Variants in SEPTIN7 observed in about 807,000 individuals in gnomAD.
SEPTIN7 encodes the protein septin-7.
SEPTIN7 carries 10 observed loss-of-function variants against 63.3 expected under a neutral mutation model. The observed-to-expected ratio is 0.16, with a 90% CI of 0.10 to 0.27. The LOEUF is 0.27. Ranked by LOEUF, SEPTIN7 falls within the 10% of genes least tolerant of loss-of-function variation. The pLI is 1.00. For missense variants in SEPTIN7, 310 were observed against 521.0 expected (o/e 0.59, Z 3.94); for synonymous variants, 131 against 165.3 (o/e 0.79, Z 1.59).
At chr7:35,812,134 A>C (rs1358590589) in intron 1 of SEPTIN7, 34 of 193,292 alleles carry the variant, frequency 1.8e-4, no homozygotes, top group African/African-American at 7.0e-4. Context: ...AAAACAAAAA[A>C]AAAAAAAACA....
downstream of SEPTIN7, among the ~76,000 whole-genome samples, chr7:35,910,260 G>A (rs79229574): frequency 5.5e-3 from 837 of 152,292 alleles, 8 homozygotes; most frequent in African/African-American, 0.02. Flanking sequence ...GTACAAGAGC[G>A]GGCGTACTAA....
At chr7:35,913,106 G>A in the SEPTIN7 span, among the ~76,000 whole-genome samples, 1 of 151,996 alleles carries the variant, frequency 6.6e-6, no homozygotes, top group Non-Finnish European at 1.5e-5. Context: ...AGCCAGTAGG[G>A]GTGTTAAAGA....
chr7:35,890,838 CAAT>C (rs940403190), intron 11 of SEPTIN7, 45 bp downstream of exon 11: 6 of 1,372,314 alleles, frequency 4.4e-6, no homozygotes, highest in Non-Finnish European at 5.7e-6. Context: ...TTTCTGTAGT[CAAT>C]AATCATATTG....
intron 12 of SEPTIN7, chr7:35,899,908 G>A (rs1224895976): frequency 6.6e-6 from 1 of 151,926 alleles, no homozygotes; most frequent in South Asian, 2.1e-4. Context: ...ATATATATAT[G>A]GATGACAGTA....
intron 1 of SEPTIN7, among the ~76,000 whole-genome samples, chr7:35,829,346 T>C (rs1175681693): frequency 3.9e-5 from 6 of 152,066 alleles, no homozygotes; most frequent in Non-Finnish European, 8.8e-5. Context: ...TTCACCATGT[T>C]GCCCAGGCTG....
chr7:35,896,384 G>A (rs1393077170), intron 11 of SEPTIN7, among the ~76,000 whole-genome samples: 1 of 152,006 alleles, frequency 6.6e-6, no homozygotes, highest in East Asian at 1.9e-4. Context: ...TTCTTTTTTA[G>A]AGACTAAAAA....
At chr7:35,840,181 C>CT (rs1784338997) in intron 3 of SEPTIN7, among the ~76,000 whole-genome samples, 1 of 77,138 alleles carries the variant, frequency 1.3e-5, no homozygotes, top group Non-Finnish European at 2.6e-5. Context: ...CTCCCTCCCC[C>CT]TCCTCCTCCC....
intron 4 of SEPTIN7, among the ~76,000 whole-genome samples, chr7:35,870,817 C>A (rs1480774387): frequency 7.4e-6 from 1 of 134,984 alleles, no homozygotes; most frequent in South Asian, 2.5e-4. Context: ...AGAGTGAGAC[C>A]CTGACTAAAA....
intron 3 of SEPTIN7, among the ~76,000 whole-genome samples, chr7:35,852,640 A>G (rs939051351): frequency 1.3e-5 from 2 of 152,224 alleles, no homozygotes; most frequent in Non-Finnish European, 2.9e-5. Flanking sequence ...TAGAGCTCCC[A>G]GTCACAATGA....
At chr7:35,882,078 T>G (rs1786913652) in intron 7 of SEPTIN7, among the ~76,000 whole-genome samples, 1 of 152,160 alleles carries the variant, frequency 6.6e-6, no homozygotes, top group South Asian at 2.1e-4. Flanking sequence ...TACGTGAGTT[T>G]AGCCCTGTTT....
At chr7:35,895,664 T>G (rs1447939109) in intron 11 of SEPTIN7, among the ~76,000 whole-genome samples, 1 of 152,234 alleles carries the variant, frequency 6.6e-6, no homozygotes, top group Non-Finnish European at 1.5e-5. Flanking sequence ...TAATAATTTG[T>G]GAAAGCTATG....
At chr7:35,894,009 C>T (rs1583641601) in intron 11 of SEPTIN7, among the ~76,000 whole-genome samples, 1 of 152,048 alleles carries the variant, frequency 6.6e-6, no homozygotes, top group Admixed American at 6.6e-5. Context: ...AAAGGGTAAC[C>T]TCTCAAATCA....
At chr7:35,805,762 G>A (rs1042713310) in intron 1 of SEPTIN7, among the ~76,000 whole-genome samples, 45 of 152,190 alleles carry the variant, frequency 3.0e-4, no homozygotes, top group African/African-American at 1.0e-3. Context: ...TTTATTCAAT[G>A]TTTGTTTGCT....
intron 3 of SEPTIN7, among the ~76,000 whole-genome samples, chr7:35,839,293 T>C (rs1206509468): frequency 6.6e-6 from 1 of 152,228 alleles, no homozygotes; most frequent in Non-Finnish European, 1.5e-5. Flanking sequence ...ATGCTGTGTT[T>C]ATCTTCCATA....
At chr7:35,858,349 G>C (rs987331724) in intron 3 of SEPTIN7, among the ~76,000 whole-genome samples, 1 of 152,038 alleles carries the variant, frequency 6.6e-6, no homozygotes, top group Non-Finnish European at 1.5e-5. Context: ...CCAACAATTG[G>C]TTTTGCTGAT....
chr7:35,881,813 A>G (rs1349979023), intron 7 of SEPTIN7, among the ~76,000 whole-genome samples: 1 of 151,918 alleles, frequency 6.6e-6, no homozygotes, highest in East Asian at 1.9e-4. Context: ...GAACATGATA[A>G]TTTAATTTGA....
intron 1 of SEPTIN7, among the ~76,000 whole-genome samples, chr7:35,815,946 A>G (rs1412096901): frequency 6.6e-6 from 1 of 152,100 alleles, no homozygotes; most frequent in Non-Finnish European, 1.5e-5. Flanking sequence ...GATAGAGGTA[A>G]TGGATCTCAT....
chr7:35,886,395 G>A (rs149568601), intron 10 of SEPTIN7, among the ~76,000 whole-genome samples: 1 of 149,412 alleles, frequency 6.7e-6, no homozygotes, highest in Non-Finnish European at 1.5e-5. Context: ...GCCTATGGGA[G>A]CAGGACATCG....
chr7:35,808,102 C>G (rs1433666788), intron 1 of SEPTIN7, among the ~76,000 whole-genome samples: 1 of 152,122 alleles, frequency 6.6e-6, no homozygotes, highest in Non-Finnish European at 1.5e-5. Context: ...CAGGTGCAAG[C>G]CACCGCACCC....
Sources: gnomAD v4.1 joint callset for allele counts (sites outside exome capture counted in the v4.1 genomes callset) on GRCh38, gnomAD v4.1.1 for gene constraint, MANE v1.5 for transcripts, NCBI Gene and HGNC (gene_info 2026-07-23, HGNC 2026-07-21) for gene names.